ERBB4: variants seen among roughly 807,000 people sequenced by gnomAD.
The protein encoded by ERBB4 is erb-b2 receptor tyrosine kinase 4, also known as receptor tyrosine-protein kinase erbB-4.
In ERBB4, 42 loss-of-function variants were observed where a neutral mutation model predicts 158.0. That is an observed-to-expected ratio of 0.27 (90% CI 0.21 to 0.34). The LOEUF (loss-of-function observed/expected upper bound fraction) is 0.34. ERBB4 is among the 10% of genes least tolerant of loss of function. The probability of loss-of-function intolerance (pLI) is 1.00; values close to 1 mark genes in which losing one functional copy is unlikely to be tolerated. For missense variants in ERBB4, 1,333 were observed against 1,624.1 expected, an observed-to-expected ratio of 0.82 and a Z score of 3.08; for synonymous variants, 583 against 558.7, an observed-to-expected ratio of 1.04 and a Z score of -0.61.
At chr2:211,868,310 G>A (rs1218836769) in intron 3 of ERBB4, among the ~76,000 whole-genome samples, 1 of 152,186 alleles carries the variant, frequency 6.6e-6, no homozygotes. Context: ...TAAGAATTAG[G>A]AAATTAATGA....
intron 1 of ERBB4, among the ~76,000 whole-genome samples, chr2:212,438,481 T>C (rs1266082940): frequency 2.6e-5 from 4 of 152,140 alleles, no homozygotes; most frequent in Admixed American, 1.3e-4. Flanking sequence ...AATTTTAATA[T>C]CTACAACAAT....
intron 1 of ERBB4, among the ~76,000 whole-genome samples, chr2:212,342,534 G>A (rs930072292): frequency 6.6e-6 from 1 of 152,084 alleles, no homozygotes; most frequent in Admixed American, 6.6e-5. Context: ...CCAGTCTTGG[G>A]TATTCCTTCA....
In ERBB4 at chr2:211,905,689, T is replaced by C. The variant is rs949890525; in HGVS notation, c.421+41741A>G. Among the ~76,000 whole-genome samples, 201 of 118,642 alleles carry C rather than the reference T, an allele frequency of 1.7e-3. 3 individuals carry two copies. In the East Asian group the frequency reaches 0.025, roughly 15 times the overall value. 77.8% of individuals were successfully genotyped at this position (118,642 alleles called of 152,430 possible). On this transcript the variant is annotated intron_variant, in intron 3 of 27. Transcript: ENST00000342788. ...ATATATATATATATATATACACACA[T>C]ATATGTGTGTGTATGTGTGTGTATA...
intron 20 of ERBB4, among the ~76,000 whole-genome samples, chr2:211,500,207 A>G (rs2065582536): frequency 6.6e-6 from 1 of 152,128 alleles, no homozygotes; most frequent in Non-Finnish European, 1.5e-5. Context: ...ATTTTGTTCT[A>G]ATTTATAGCC....
At chr2:211,861,838 A>T (rs1204990461) in intron 3 of ERBB4, among the ~76,000 whole-genome samples, 1 of 152,174 alleles carries the variant, frequency 6.6e-6, no homozygotes, top group African/African-American at 2.4e-5. Flanking sequence ...AAAAACTAAA[A>T]CAGAGGATTT....
Position 212,434,750 on chromosome 2 carries a change from C to G in ERBB4, c.82+103699G>C, listed in dbSNP as rs2092100978. 3.3e-5 allele frequency among the ~76,000 whole-genome samples: 5 copies of G among 151,946 alleles called. No individual in the cohort carries two copies. The South Asian group carries it at 1.0e-3, about 31-fold the overall frequency. ...CTTTTGTAATCTTATAATATGGAAT[C>G]AGAACAACAAGGTTTCACATTCTTC... On this transcript the variant is annotated intron_variant, in intron 1 of 27. Transcript: ENST00000342788.
At chr2:211,717,953 G>A (rs2106106939) in intron 7 of ERBB4, among the ~76,000 whole-genome samples, 1 of 152,248 alleles carries the variant, frequency 6.6e-6, no homozygotes, top group South Asian at 2.1e-4. Context: ...TTTTTGCCCA[G>A]GCTGGAGTGC....
At chr2:211,408,106 C>A (rs535392398) in intron 25 of ERBB4, among the ~76,000 whole-genome samples, 3 of 152,186 alleles carry the variant, frequency 2.0e-5, no homozygotes, top group South Asian at 4.2e-4. Context: ...TAAATAAATA[C>A]ATACATACAT....
At chr2:211,420,687 A>G (rs1201343293) in intron 24 of ERBB4, 76 bp from the exon 25 acceptor site, 1 of 1,250,836 alleles carries the variant, frequency 8.0e-7, no homozygotes, top group Admixed American at 1.7e-5. Context: ...CAATAAATTT[A>G]TGTAATATCA....
chr2:212,170,383 T>C (rs1160855928), intron 1 of ERBB4, among the ~76,000 whole-genome samples: 1 of 152,178 alleles, frequency 6.6e-6, no homozygotes, highest in Admixed American at 6.5e-5. Flanking sequence ...TATAAAAGTT[T>C]GGAAAATTTG....
intron 3 of ERBB4, among the ~76,000 whole-genome samples, chr2:211,834,193 T>C (rs2077287439): frequency 6.6e-6 from 1 of 152,138 alleles, no homozygotes. Flanking sequence ...TGAAATAGGC[T>C]AGTTGAAAGG....
chr2:212,243,743 C>T (rs888210121), intron 1 of ERBB4, among the ~76,000 whole-genome samples: 1 of 152,042 alleles, frequency 6.6e-6, no homozygotes, highest in Non-Finnish European at 1.5e-5. Flanking sequence ...GCAAAAATTA[C>T]ATAAGATATC....
intron 1 of ERBB4, among the ~76,000 whole-genome samples, chr2:212,206,835 A>G (rs62182598): frequency 0.17 from 24,977 of 151,114 alleles, 2,439 homozygotes; most frequent in Non-Finnish European, 0.22. Context: ...TGATCCGCCC[A>G]CCTCGGCCTC....
At chr2:211,688,250 A>T (rs2072649345) in intron 12 of ERBB4, among the ~76,000 whole-genome samples, 1 of 152,164 alleles carries the variant, frequency 6.6e-6, no homozygotes, top group Non-Finnish European at 1.5e-5. Context: ...TGTCTGAAGG[A>T]CTTCCTTTAA....
intron 20 of ERBB4, among the ~76,000 whole-genome samples, chr2:211,513,629 T>C (rs1192541775): frequency 6.6e-6 from 1 of 152,080 alleles, no homozygotes; most frequent in Admixed American, 6.5e-5. Context: ...CAAATACTAT[T>C]CATCACAACA....
intron 3 of ERBB4, among the ~76,000 whole-genome samples, chr2:211,833,390 C>A (rs1442755609): frequency 1.3e-5 from 2 of 152,074 alleles, no homozygotes; most frequent in Admixed American, 6.6e-5. Context: ...ACATTGATTT[C>A]TTCATCCAGT....
At chr2:211,772,737 C>T (rs1192477944) in intron 4 of ERBB4, among the ~76,000 whole-genome samples, 4 of 144,254 alleles carry the variant, frequency 2.8e-5, no homozygotes, top group Non-Finnish European at 6.0e-5. Flanking sequence ...TCTTGACCTC[C>T]TGGACTTAAG....
At chr2:212,053,532 C>T (rs552034019) in intron 2 of ERBB4, among the ~76,000 whole-genome samples, 2 of 152,282 alleles carry the variant, frequency 1.3e-5, no homozygotes, top group African/African-American at 4.8e-5. Flanking sequence ...ATCCATTCTC[C>T]ACTCTGCTGC....
intron 1 of ERBB4, among the ~76,000 whole-genome samples, chr2:212,436,168 A>G (rs2092131101): frequency 6.6e-6 from 1 of 152,132 alleles, no homozygotes; most frequent in East Asian, 1.9e-4. Context: ...TTTCTAGTCA[A>G]CACTGTCAGC....
Sources: gnomAD v4.1 joint callset for allele counts (sites outside exome capture counted in the v4.1 genomes callset) on GRCh38, gnomAD v4.1.1 for gene constraint, MANE v1.5 for transcripts, NCBI Gene and HGNC (gene_info 2026-07-23, HGNC 2026-07-21) for gene names.